Variants in JAKMIP2 observed in about 807,000 individuals in gnomAD.
JAKMIP2 encodes janus kinase and microtubule-interacting protein 2.
Under a neutral mutation model 115.0 loss-of-function variants are expected in JAKMIP2, and 25 were observed. The ratio of observed to expected loss-of-function variants is 0.22; its 90% confidence interval spans 0.16 to 0.30. The LOEUF is 0.30. JAKMIP2 is among the 10% of genes least tolerant of loss of function. The pLI is 1.00. For missense variants in JAKMIP2, 642 were observed against 957.6 expected, an observed-to-expected ratio of 0.67 and a Z score of 4.35; for synonymous variants, 334 against 343.6, an observed-to-expected ratio of 0.97 and a Z score of 0.31.
chr5:147,756,598 T>A (rs1561578300), intron 1 of JAKMIP2, among the ~76,000 whole-genome samples: 1 of 152,126 alleles, frequency 6.6e-6, no homozygotes, highest in Non-Finnish European at 1.5e-5. Flanking sequence ...TCTTTTCCAC[T>A]CAATGCAGAC....
At chr5:147,602,350 A>G (rs999083881) in intron 20 of JAKMIP2, among the ~76,000 whole-genome samples, 2 of 152,192 alleles carry the variant, frequency 1.3e-5, no homozygotes, top group African/African-American at 2.4e-5. Flanking sequence ...CTCACAGTGG[A>G]ACATTTCAGA....
At chr5:147,660,384 T>C in intron 3 of JAKMIP2, 1 of 431,098 alleles carries the variant, frequency 2.3e-6, no homozygotes, top group Non-Finnish European at 4.6e-6. Context: ...AAATGACTCC[T>C]GTATACTTTG....
chr5:147,766,356 AAGG>A lies in JAKMIP2; in HGVS notation c.-149+16097_-149+16099del, dbSNP rs568399278. On this transcript the variant is annotated intron_variant, in intron 1 of 21. Coordinates refer to ENST00000616793, the MANE Select transcript of JAKMIP2 (RefSeq NM_001270941.2). ...TTTTTTTTGCTTGTTTTCCTTTTGA[AAGG>A]AGGAAAAAAATAAGTGATGTTTTTT... is the stretch of plus-strand genomic sequence containing the variant. 2.2e-4 allele frequency among the ~76,000 whole-genome samples: 33 copies of A among 152,290 alleles called. No individual in the cohort carries two copies. The South Asian group carries it at 6.6e-3, about 31-fold the overall frequency.
chr5:147,771,500 A>G (rs2127075548), intron 1 of JAKMIP2, among the ~76,000 whole-genome samples: 1 of 152,250 alleles, frequency 6.6e-6, no homozygotes, highest in South Asian at 2.1e-4. Flanking sequence ...TAGTCCAAAA[A>G]GTAAACTGAC....
chr5:147,627,571 T>C (rs1757153507), intron 16 of JAKMIP2, among the ~76,000 whole-genome samples: 1 of 151,016 alleles, frequency 6.6e-6, no homozygotes, highest in Non-Finnish European at 1.5e-5. Context: ...AGGTCTGTAA[T>C]TAAACTGTGT....
intron 9 of JAKMIP2, 31 bp from the exon 10 acceptor site, chr5:147,639,791 A>G (rs1322534701): frequency 1.9e-6 from 3 of 1,608,448 alleles, no homozygotes; most frequent in Middle Eastern, 1.7e-4. Flanking sequence ...CCCCAAAACA[A>G]TTGTGTTATG....
intron 9 of JAKMIP2, 71 bp downstream of exon 9, chr5:147,640,633 C>T (rs1464568268): frequency 1.3e-6 from 2 of 1,526,956 alleles, no homozygotes; most frequent in Non-Finnish European, 1.8e-6. Context: ...AAGTGAAATC[C>T]TTTTTCTTCC....
Position 147,629,760 on chromosome 5 carries a change from C to G in JAKMIP2, c.1876-14G>C. On this transcript the variant is annotated splice_polypyrimidine_tract_variant and intron_variant, in intron 14 of 21. Coordinates refer to ENST00000616793, the MANE Select transcript of JAKMIP2 (RefSeq NM_001270941.2). ...GATGTTCACATCCTGCAAAATCAAG[C>G]AGAAACTCATGTCAAAGACAAATGT... 6.2e-7 allele frequency: 1 copy of G among 1,609,340 alleles called. No homozygotes were observed.
chr5:147,767,349 T>G (rs1345204929), intron 1 of JAKMIP2, among the ~76,000 whole-genome samples: 1 of 152,108 alleles, frequency 6.6e-6, no homozygotes, highest in African/African-American at 2.4e-5. Flanking sequence ...GCTGGATGAG[T>G]CCTTGTAGAG....
intron 3 of JAKMIP2, among the ~76,000 whole-genome samples, chr5:147,654,787 T>C (rs1758593881): frequency 1.3e-5 from 2 of 152,200 alleles, no homozygotes; most frequent in Non-Finnish European, 2.9e-5. Flanking sequence ...CCTTGTCTTG[T>C]GCTGGTTTTC....
chr5:147,726,826 A>ATG lies in JAKMIP2; in HGVS notation c.-148-54873_-148-54872insCA, dbSNP rs1291017776. Among the ~76,000 whole-genome samples, 182 of 152,310 alleles carry ATG rather than the reference A, an allele frequency of 1.2e-3. 1 individual carries two copies. Among genetic ancestry groups the ATG allele is most frequent in the African/African-American group, 4.2e-3 (173 of 41,568 alleles). On this transcript the variant is annotated intron_variant, in intron 1 of 21. Coordinates refer to ENST00000616793, the MANE Select transcript of JAKMIP2 (RefSeq NM_001270941.2). Reference sequence around the variant, plus strand: ...TGACCATATGGCAGTACTTTCTTTTAGTCTCTGCTTATCCAGAGGACAGGA... The same window carrying ATG: ...TGACCATATGGCAGTACTTTCTTTTATGGTCTCTGCTTATCCAGAGGACAGGA...
rs771027652 is a variant in JAKMIP2, at chr5:147,640,710, C to A, written c.1395G>T (p.Leu465Phe). ...DRTPATPDDDLDESLAAEESE... is the reference protein window; with the variant it reads ...DRTPATPDDDFDESLAAEESE... ...GAGAAGTAGAAAAGCTTACTTCATC[C>A]AAGTCATCATCAGGAGTAGCTGGTG... The change falls in exon 9 of 22, where the codon TTG (leucine) becomes TTT (phenylalanine). Residue 465 changes from leucine to phenylalanine, a missense_variant. Transcript: ENST00000616793. 6.2e-7 allele frequency: 1 copy of A among 1,613,594 alleles called. No homozygotes were observed. The highest frequency in any genetic ancestry group is 1.1e-5 in the South Asian group (1 of 91,050).
intron 1 of JAKMIP2, among the ~76,000 whole-genome samples, chr5:147,679,503 T>G (rs1033403531): frequency 6.6e-6 from 1 of 152,152 alleles, no homozygotes; most frequent in African/African-American, 2.4e-5. Context: ...AAGCAGGGAA[T>G]AGTAAATGCT....
intron 2 of JAKMIP2, among the ~76,000 whole-genome samples, chr5:147,662,668 C>A (rs946309222): frequency 6.6e-6 from 1 of 151,994 alleles, no homozygotes; most frequent in Non-Finnish European, 1.5e-5. Flanking sequence ...CCCGCATGCA[C>A]ACACACACAT....
chr5:147,650,929 C>T (rs1341593422), intron 3 of JAKMIP2, among the ~76,000 whole-genome samples: 3 of 152,140 alleles, frequency 2.0e-5, no homozygotes, highest in African/African-American at 7.2e-5. Context: ...TTTGATGTCA[C>T]TTCTTCTTTG....
In JAKMIP2 at chr5:147,590,412, C is replaced by CT. The variant is rs1755053746; in HGVS notation, c.*1294dup. ...ACAACTTAGGAAAAGTACCAGTCCT[C>CT]TAATTGTCTCTGGTAGAAAATGACC... is the stretch of plus-strand genomic sequence containing the variant. On this transcript the variant is annotated 3_prime_UTR_variant, in exon 22 of 22. Coordinates refer to ENST00000616793, the MANE Select transcript of JAKMIP2 (RefSeq NM_001270941.2). 1 of 152,130 alleles carries CT rather than the reference C, an allele frequency of 6.6e-6. No homozygotes were observed. The highest frequency in any genetic ancestry group is 6.6e-5 in the Admixed American group (1 of 15,262). The allele number at this position is 152,130 out of a possible 1,614,324, so 9.4% of individuals were successfully genotyped here. A position where few individuals can be genotyped will look rare whatever the true frequency, so the allele number is the denominator to read the frequency against.
chr5:147,648,333 A>T (rs1236037801), intron 5 of JAKMIP2, 43 bp downstream of exon 5: 1 of 975,674 alleles, frequency 1.0e-6, no homozygotes, highest in Non-Finnish European at 1.7e-6. Context: ...CTGTAACATA[A>T]TGCTTAACAA....
Position 147,659,414 on chromosome 5 carries a change from G to A in JAKMIP2, c.627+1534C>T, listed in dbSNP as rs150141093. Among the ~76,000 whole-genome samples, 36 of 152,216 alleles carry A rather than the reference G, an allele frequency of 2.4e-4. No individual in the cohort carries two copies. In the East Asian group the frequency reaches 7.0e-3, roughly 29 times the overall value. ...TGAACTGGATACCTCGATTGGAAAA[G>A]CAGAAATCACCTGCCTTCTGCGTTG... On this transcript the variant is annotated intron_variant, in intron 3 of 21. Transcript: ENST00000616793.
intron 1 of JAKMIP2, among the ~76,000 whole-genome samples, chr5:147,777,735 T>C (rs892127713): frequency 6.6e-6 from 1 of 152,168 alleles, no homozygotes; most frequent in Non-Finnish European, 1.5e-5. Context: ...TAATTAATTA[T>C]AAAGGACACT....
Sources: gnomAD v4.1 joint callset for allele counts (sites outside exome capture counted in the v4.1 genomes callset) on GRCh38, gnomAD v4.1.1 for gene constraint, MANE v1.5 for transcripts, NCBI Gene and HGNC (gene_info 2026-07-23, HGNC 2026-07-21) for gene names.